The following HSH2D variants were observed in gnomAD, a reference collection of about 807,000 sequenced individuals.
HSH2D encodes hematopoietic SH2 domain-containing protein.
In HSH2D, 16 loss-of-function variants were observed where a neutral mutation model predicts 21.5. That is an observed-to-expected ratio of 0.74 (90% confidence interval 0.50 to 1.13). The LOEUF (loss-of-function observed/expected upper bound fraction) is 1.13. Among genes scored for constraint, HSH2D ranks in the 50% most tolerant of loss-of-function variants. The pLI is 0.00. For synonymous variants in HSH2D, 172 were observed against 184.7 expected (o/e 0.93, Z 0.56); for missense variants, 418 against 441.4 (o/e 0.95, Z 0.47).
chr19:16,147,649 G>T (rs555856367), intron 1 of HSH2D, among the ~76,000 whole-genome samples: 295 of 150,362 alleles, frequency 2.0e-3, no homozygotes, highest in Non-Finnish European at 3.7e-3. Context: ...GTTTTGTTTT[G>T]TTTTGTTTTG....
At position 16,153,057 on chromosome 19, in the gene HSH2D, G is replaced by A. The variant is rs774911261; in HGVS notation, c.230G>A (p.Cys77Tyr). The A allele has an allele frequency of 1.2e-6, 2 of 1,610,864 alleles. No homozygotes were observed. Among genetic ancestry groups the A allele is most frequent in the Non-Finnish European group, 1.7e-6 (2 of 1,178,680 alleles). ...TGTCTCCGCAGAGCCCAAAGCAGCT[G>A]CTGCCATTTCATGGTGAAGCTCTTG... is the stretch of plus-strand genomic sequence containing the variant. Reference protein sequence around the residue: ...YTLSYKAQSSCCHFMVKLLDD... With the variant: ...YTLSYKAQSSYCHFMVKLLDD... Residue 77 changes from cysteine to tyrosine, a missense_variant, in exon 4 of 6, where the codon TGC becomes TAC. Transcript: ENST00000613986.
At chr19:16,143,652 C>A, upstream of HSH2D, 1 of 406,142 alleles carries the variant, frequency 2.5e-6, no homozygotes, top group Non-Finnish European at 5.0e-6. Flanking sequence ...CTTGAGGAAA[C>A]AGGAACTGCC....
In HSH2D at chr19:16,148,708, T is replaced by C; in HGVS notation, c.-27-16T>C. Reference sequence around the variant, plus strand: ...CATCAAGCTTGATTCTTGTCTTCCCTCCCTTCTCTACCCAGGTGACCTTCC... The same window carrying C: ...CATCAAGCTTGATTCTTGTCTTCCCCCCCTTCTCTACCCAGGTGACCTTCC... On this transcript the variant is annotated splice_polypyrimidine_tract_variant and intron_variant, in intron 1 of 5. Transcript: ENST00000613986. 1 of 1,612,978 alleles carries C rather than the reference T, an allele frequency of 6.2e-7. No individual in the cohort carries two copies. The highest frequency in any genetic ancestry group is 8.5e-7 in the Non-Finnish European group (1 of 1,179,298).
chr19:16,144,686 C>CT (rs35070155), intron 1 of HSH2D, among the ~76,000 whole-genome samples: 25,585 of 84,738 alleles, frequency 0.3, 5,360 homozygotes, highest in East Asian at 0.5. Flanking sequence ...ATTCTAGGCT[C>CT]TTTTTTTTTT....
At chr19:16,151,233 G>A (rs113489120) in intron 2 of HSH2D, among the ~76,000 whole-genome samples, 8 of 150,806 alleles carry the variant, frequency 5.3e-5, no homozygotes, top group African/African-American at 1.9e-4. Flanking sequence ...GCTGAGGCAG[G>A]AGAATAGCTT....
intron 1 of HSH2D, among the ~76,000 whole-genome samples, chr19:16,146,317 C>T (rs2091068959): frequency 6.6e-6 from 1 of 152,130 alleles, no homozygotes; most frequent in South Asian, 2.1e-4. Context: ...CCATGAGTGG[C>T]TACAACGTGT....
chr19:16,154,428 T>C lies in HSH2D; in HGVS notation c.411T>C (p.Asp137=), dbSNP rs1433068910. 1 of 1,551,834 alleles carries C rather than the reference T, an allele frequency of 6.4e-7. No homozygotes were observed. Among genetic ancestry groups the C allele is most frequent in the Admixed American group, 2.0e-5 (1 of 51,024 alleles). Residue 137 remains aspartate (D), a synonymous_variant, in exon 5 of 6, where the codon GAT becomes GAC. Transcript: ENST00000613986. ...QKDPANVDYE[D]LFLYSNAVAE... ...ATCCCGCAAACGTGGATTACGAGGA[T>C]CTCTTCCTCTACTCCAACGCAGTGG...
chr19:16,144,318 G>C (rs1271713496), intron 1 of HSH2D, among the ~76,000 whole-genome samples: 1 of 151,972 alleles, frequency 6.6e-6, no homozygotes, highest in Non-Finnish European at 1.5e-5. Flanking sequence ...AGAGGAACAG[G>C]GGGGAACGTT....
upstream of HSH2D, among the ~76,000 whole-genome samples, chr19:16,140,716 A>G (rs1429794324): frequency 2.0e-5 from 3 of 151,728 alleles, no homozygotes; most frequent in African/African-American, 7.3e-5. Context: ...ACAAAACCCC[A>G]TCTCTTCAAA....
At chr19:16,154,360 C>A (rs1224125812) in intron 4 of HSH2D, 39 bp from the exon 5 acceptor site, 1 of 1,415,954 alleles carries the variant, frequency 7.1e-7, no homozygotes, top group Admixed American at 2.1e-5. Flanking sequence ...ACCTTTCCCC[C>A]TCCCTAGTGC....
chr19:16,142,968 C>CT (rs1209038907), upstream of HSH2D, among the ~76,000 whole-genome samples: 1 of 151,208 alleles, frequency 6.6e-6, no homozygotes, highest in Non-Finnish European at 1.5e-5. Flanking sequence ...AGGGTTTTAC[C>CT]ATGTTGGCCA....
chr19:16,145,280 T>C (rs1487975973), intron 1 of HSH2D, among the ~76,000 whole-genome samples: 1 of 152,062 alleles, frequency 6.6e-6, no homozygotes, highest in Non-Finnish European at 1.5e-5. Flanking sequence ...TGGCTCGATC[T>C]CAGCTCACTG....
chr19:16,157,688 C>T lies in HSH2D; in HGVS notation c.953C>T (p.Ser318Phe), dbSNP rs867555600. ...SWHQMVVRAL[S>F]SQESKPEHQG... is the part of the protein sequence containing the mutation. Reference sequence around the variant, plus strand: ...CACCAAATGGTAGTGAGAGCCCTATCCTCCCAGGAGTCCAAGCCAGAGCAC... The same window carrying T: ...CACCAAATGGTAGTGAGAGCCCTATTCTCCCAGGAGTCCAAGCCAGAGCAC... The change falls in exon 6 of 6, where the codon TCC becomes TTC. Residue 318 changes from serine (S) to phenylalanine (F), a missense_variant. By Grantham distance (155) the Ser-to-Phe change is radical. Coordinates refer to ENST00000613986, the MANE Select transcript of HSH2D (RefSeq NM_001382417.1). This position sits in a 1 kb window ranked among gnomAD's most constrained non-coding sequence, Gnocchi z 4.4. The T allele has an allele frequency of 6.2e-7, 1 of 1,613,342 alleles. No homozygotes were observed. The highest frequency in any genetic ancestry group is 1.7e-5 in the Admixed American group (1 of 59,878).
rs764519789 is a variant in HSH2D, at chr19:16,152,618, T to C, written c.192T>C (p.His64=). 2.6e-6 allele frequency: 4 copies of C among 1,524,204 alleles called. No homozygotes were observed. The highest frequency in any genetic ancestry group is 2.3e-5 in the East Asian group (1 of 44,004). 94.4% of individuals were successfully genotyped at this position (1,524,204 alleles called of 1,614,324 possible). A position where few individuals can be genotyped will look rare whatever the true frequency, so the allele number is the denominator to read the frequency against. The change falls in exon 3 of 6, where the codon CAT becomes CAC. Residue 64 remains histidine, a synonymous_variant. Transcript: ENST00000613986. ...GSFLIRVSHS[H]VGYTLSYKAQ... ...TTCTCATCAGGGTCAGTCACAGCCA[T>C]GTGGGCTACACACTCTCCTACAAGT... is the stretch of plus-strand genomic sequence containing the variant.
chr19:16,148,735 T>A lies in HSH2D; in HGVS notation c.-16T>A. 6.2e-7 allele frequency: 1 copy of A among 1,613,840 alleles called. No homozygotes were observed. On this transcript the variant is annotated 5_prime_UTR_variant, in exon 2 of 6. Coordinates refer to ENST00000613986, the MANE Select transcript of HSH2D (RefSeq NM_001382417.1). ...CCTTCTCTACCCAGGTGACCTTCCC[T>A]CCACCCCAGGAAGCTATGACAGAGG...
chr19:16,146,805 T>C (rs2091076620), intron 1 of HSH2D, among the ~76,000 whole-genome samples: 1 of 151,890 alleles, frequency 6.6e-6, no homozygotes, highest in South Asian at 2.1e-4. Flanking sequence ...CCTTGATATT[T>C]ACTTAATATT....
rs190373223 is a variant in HSH2D at position 16,153,485 on chromosome 19, A to G, written c.381+277A>G. Among the ~76,000 whole-genome samples, 394 of 152,290 alleles carry G rather than the reference A, an allele frequency of 2.6e-3. 2 individuals are homozygous for G. The highest frequency in any genetic ancestry group is 9.2e-3 in the African/African-American group (383 of 41,560). ...TAATCTTGGCTCATCTGAAGGAATG[A>G]CATCTTTCCTTAGAAGGCTCGGTGG... is the stretch of plus-strand genomic sequence containing the variant. On this transcript the variant is annotated intron_variant, in intron 4 of 5. Coordinates refer to ENST00000613986, the MANE Select transcript of HSH2D (RefSeq NM_001382417.1).
chr19:16,150,685 CA>C (rs1165480452), intron 2 of HSH2D, among the ~76,000 whole-genome samples: 3,139 of 82,254 alleles, frequency 0.038, 95 homozygotes, highest in African/African-American at 0.13. Context: ...GATTCCAGCT[CA>C]AAAAAAAAAA....
At chr19:16,137,993 C>T (rs1429159845) in intron 1 of HSH2D, among the ~76,000 whole-genome samples, 4 of 152,108 alleles carry the variant, frequency 2.6e-5, no homozygotes, top group East Asian at 3.9e-4. Context: ...CTCAGCCTCC[C>T]GAGTAGCTGG....
Sources: gnomAD v4.1 joint callset for allele counts (sites outside exome capture counted in the v4.1 genomes callset) on GRCh38, gnomAD v4.1.1 for gene constraint, Gnocchi (gnomAD v3.1) non-coding constraint, MANE v1.5 for transcripts, NCBI Gene and HGNC (gene_info 2026-07-23, HGNC 2026-07-21) for gene names.